GALNT7: variants seen among roughly 807,000 people sequenced by gnomAD.
GALNT7 encodes the protein N-acetylgalactosaminyltransferase 7.
Under a neutral mutation model 82.1 loss-of-function variants are expected in GALNT7, and 60 were observed. The ratio of observed to expected loss-of-function variants is 0.73; its 90% CI spans 0.59 to 0.91. The LOEUF (loss-of-function observed/expected upper bound fraction) is 0.91, where lower values mean the gene tolerates loss of function less well. Ranked by LOEUF, GALNT7 falls within the 40% of genes least tolerant of loss-of-function variation. The pLI, the probability that GALNT7 is intolerant of heterozygous loss-of-function variation, is 0.00. For synonymous variants in GALNT7, 243 were observed against 275.1 expected, an observed-to-expected ratio of 0.88 and a Z score of 1.15; for missense variants, 660 against 804.2, an observed-to-expected ratio of 0.82 and a Z score of 2.17.
intron 1 of GALNT7, among the ~76,000 whole-genome samples, chr4:173,206,614 A>T (rs1232431186): frequency 6.6e-6 from 1 of 152,198 alleles, no homozygotes; most frequent in Non-Finnish European, 1.5e-5. Flanking sequence ...CACTGTGCAG[A>T]TGTGGAATAT....
chr4:173,286,959 C>G (rs1477156854), intron 2 of GALNT7, among the ~76,000 whole-genome samples: 1 of 152,164 alleles, frequency 6.6e-6, no homozygotes, highest in East Asian at 1.9e-4. Context: ...CTGAAGAGAG[C>G]CTCAGTGCCT....
At chr4:173,289,974 GA>G (rs1172904475) in intron 2 of GALNT7, among the ~76,000 whole-genome samples, 1 of 152,122 alleles carries the variant, frequency 6.6e-6, no homozygotes, top group African/African-American at 2.4e-5. Flanking sequence ...ACATTACTGA[GA>G]ACAAAATATA....
chr4:173,320,040 G>A lies in GALNT7; in HGVS notation c.1836+1481G>A, dbSNP rs1254979202. On this transcript the variant is annotated intron_variant, in intron 11 of 11. Coordinates refer to ENST00000265000, the MANE Select transcript of GALNT7 (RefSeq NM_017423.3). This position sits in a 1 kb window ranked among gnomAD's most constrained non-coding sequence, Gnocchi z 4.1. ...TTTGGTATCCCTCAATTGTGCTTTG[G>A]AGGAAAGAGCACCGAACTTCATTTT... 6.6e-6 allele frequency among the ~76,000 whole-genome samples: 1 copy of A among 152,130 alleles called. No homozygotes were observed. Among genetic ancestry groups the A allele is most frequent in the Non-Finnish European group, 1.5e-5 (1 of 68,002 alleles).
At chr4:173,312,593 T>C (rs1267036065) in intron 8 of GALNT7, among the ~76,000 whole-genome samples, 1 of 152,236 alleles carries the variant, frequency 6.6e-6, no homozygotes, top group Non-Finnish European at 1.5e-5. Context: ...CATTTCAACA[T>C]GAATGTTGGC....
At chr4:173,276,293 G>T (rs1034589909) in intron 2 of GALNT7, among the ~76,000 whole-genome samples, 11 of 152,122 alleles carry the variant, frequency 7.2e-5, no homozygotes, top group African/African-American at 2.4e-4. Context: ...AACTTCTGAT[G>T]ATTAGTTTTG....
At chr4:173,208,394 T>G (rs1466605338) in intron 1 of GALNT7, among the ~76,000 whole-genome samples, 1 of 152,236 alleles carries the variant, frequency 6.6e-6, no homozygotes, top group Non-Finnish European at 1.5e-5. Flanking sequence ...TTTGATATTT[T>G]AAAAATTCTG....
intron 8 of GALNT7, among the ~76,000 whole-genome samples, chr4:173,310,464 C>T (rs1737339828): frequency 6.6e-6 from 1 of 152,134 alleles, no homozygotes; most frequent in Non-Finnish European, 1.5e-5. Flanking sequence ...AGTTCAACCC[C>T]CTTCAGTCTA....
At chr4:173,299,927 A>T (rs534622433) in intron 6 of GALNT7, among the ~76,000 whole-genome samples, 5 of 152,302 alleles carry the variant, frequency 3.3e-5, no homozygotes, top group Non-Finnish European at 7.4e-5. Flanking sequence ...AATATCACCT[A>T]AAATGTAATA....
intron 11 of GALNT7, among the ~76,000 whole-genome samples, chr4:173,318,983 T>C (rs540235984): frequency 6.6e-6 from 1 of 152,224 alleles, no homozygotes; most frequent in East Asian, 1.9e-4. Flanking sequence ...CAGGTGGAGA[T>C]AGAGACAAAC....
intron 1 of GALNT7, chr4:173,169,221 C>G (rs1239387437): frequency 6.6e-6 from 1 of 150,664 alleles, no homozygotes; most frequent in Non-Finnish European, 1.5e-5. Context: ...CCCGCGCTGC[C>G]GCGGCAGCGG....
chr4:173,267,676 G>T (rs1735553947), intron 2 of GALNT7, among the ~76,000 whole-genome samples: 1 of 152,156 alleles, frequency 6.6e-6, no homozygotes, highest in Admixed American at 6.5e-5. Context: ...TACACATGAG[G>T]TTCACTTTGG....
chr4:173,282,206 G>A (rs1056846537), intron 2 of GALNT7, among the ~76,000 whole-genome samples: 3 of 152,114 alleles, frequency 2.0e-5, no homozygotes, highest in Non-Finnish European at 2.9e-5. Flanking sequence ...AGCACAAAGC[G>A]CCACTTCTCT....
At chr4:173,178,954 A>G (rs1353376905) in intron 1 of GALNT7, among the ~76,000 whole-genome samples, 1 of 152,220 alleles carries the variant, frequency 6.6e-6, no homozygotes, top group Admixed American at 6.5e-5. Flanking sequence ...ATTTTTACCA[A>G]TTCCCTGGGT....
chr4:173,227,590 C>A (rs35796775), intron 1 of GALNT7, among the ~76,000 whole-genome samples: 4 of 152,210 alleles, frequency 2.6e-5, no homozygotes, highest in Non-Finnish European at 4.4e-5. Context: ...TTCGGCCTCC[C>A]AAAGTGTTGG....
intron 1 of GALNT7, among the ~76,000 whole-genome samples, chr4:173,198,122 T>C (rs954066580): frequency 2.0e-5 from 3 of 151,664 alleles, no homozygotes; most frequent in African/African-American, 7.3e-5. Flanking sequence ...TGCAGTGGTG[T>C]GATCTCGGTT....
At chr4:173,275,900 T>C (rs1735889852) in intron 2 of GALNT7, among the ~76,000 whole-genome samples, 1 of 152,186 alleles carries the variant, frequency 6.6e-6, no homozygotes, top group Admixed American at 6.5e-5. Flanking sequence ...ATGGGCATGA[T>C]GAGCTAAAGC....
At chr4:173,210,345 C>T (rs1263719324) in intron 1 of GALNT7, among the ~76,000 whole-genome samples, 1 of 152,172 alleles carries the variant, frequency 6.6e-6, no homozygotes, top group Non-Finnish European at 1.5e-5. Flanking sequence ...CCGTCATTGA[C>T]TCTTTCCTAA....
At chr4:173,319,626 GAAGT>G (rs2126877854) in intron 11 of GALNT7, among the ~76,000 whole-genome samples, 2 of 152,176 alleles carry the variant, frequency 1.3e-5, no homozygotes, top group East Asian at 1.9e-4. Flanking sequence ...ACTACATCAA[GAAGT>G]AATTGAACAA....
chr4:173,248,097 T>C lies in GALNT7; in HGVS notation c.244T>C (p.Leu82=). 3.1e-6 allele frequency: 5 copies of C among 1,613,602 alleles called. No individual in the cohort carries two copies. Among genetic ancestry groups the C allele is most frequent in the Non-Finnish European group, 4.2e-6 (5 of 1,179,646 alleles). The change falls in exon 2 of 12, where the codon TTA becomes CTA. Residue 82 remains leucine (L), a synonymous_variant. Transcript: ENST00000265000. ...WPHVEGVEVD[L]ESIRRINKAK... Reference sequence around the variant, plus strand: ...TCATGTTGAAGGAGTAGAAGTGGACTTAGAGTCTATTAGAAGAATAAACAA... The same window carrying C: ...TCATGTTGAAGGAGTAGAAGTGGACCTAGAGTCTATTAGAAGAATAAACAA...
Sources: gnomAD v4.1 joint callset for allele counts (sites outside exome capture counted in the v4.1 genomes callset) on GRCh38, gnomAD v4.1.1 for gene constraint, Gnocchi (gnomAD v3.1) non-coding constraint, MANE v1.5 for transcripts, NCBI Gene and HGNC (gene_info 2026-07-23, HGNC 2026-07-21) for gene names.